The following ADGRB3 variants were observed in gnomAD, a reference collection of about 807,000 sequenced individuals.
The protein encoded by ADGRB3 is adhesion G protein-coupled receptor B3, also known as brain-specific angiogenesis inhibitor 3.
In ADGRB3, 37 loss-of-function variants were observed where a neutral mutation model predicts 193.4. The observed-to-expected ratio is 0.19, with a 90% CI of 0.15 to 0.25. ADGRB3 has a LOEUF of 0.25. Ranked by LOEUF, ADGRB3 falls within the 10% of genes least tolerant of loss-of-function variation. The pLI, the probability that ADGRB3 is intolerant of heterozygous loss-of-function variation, is 1.00. For synonymous variants in ADGRB3, 690 were observed against 644.2 expected, an observed-to-expected ratio of 1.07 and a Z score of -1.08; for missense variants, 1,637 against 1,852.9, an observed-to-expected ratio of 0.88 and a Z score of 2.14.
intron 3 of ADGRB3, among the ~76,000 whole-genome samples, chr6:68,868,002 C>T (rs1317236476): frequency 2.0e-5 from 3 of 152,018 alleles, no homozygotes; most frequent in East Asian, 1.9e-4. Flanking sequence ...TGGGTTAATG[C>T]TAGGATGAGT....
intron 20 of ADGRB3, among the ~76,000 whole-genome samples, chr6:69,274,221 G>A (rs994618462): frequency 2.0e-5 from 3 of 152,096 alleles, no homozygotes; most frequent in South Asian, 2.1e-4. Flanking sequence ...TTGCTATGCC[G>A]ATACACAAAC....
chr6:68,899,137 T>C (rs1424349978), intron 3 of ADGRB3, among the ~76,000 whole-genome samples: 1 of 152,136 alleles, frequency 6.6e-6, no homozygotes, highest in Non-Finnish European at 1.5e-5. Context: ...TGGGAACTTT[T>C]TGTACGATTT....
intron 29 of ADGRB3, among the ~76,000 whole-genome samples, chr6:69,364,042 A>T (rs1350801801): frequency 6.6e-6 from 1 of 152,050 alleles, no homozygotes; most frequent in Non-Finnish European, 1.5e-5. Context: ...GGACAATTTA[A>T]GTCTTTTCTC....
rs1772520074 is a variant in ADGRB3 at position 69,085,447 on chromosome 6, G to GTAA, written c.2480+9409_2480+9410insTAA. On this transcript the variant is annotated intron_variant, in intron 17 of 31. Coordinates refer to ENST00000370598, the MANE Select transcript of ADGRB3 (RefSeq NM_001704.3). ...GCTGGCTGGTAAGGATAGGCCCCTG[G>GTAA]GTAACCTCTCTTAATTTTCTAATGT... 2.0e-5 allele frequency among the ~76,000 whole-genome samples: 3 copies of GTAA among 151,748 alleles called. No individual in the cohort carries two copies. In the East Asian group the frequency reaches 5.8e-4, roughly 29 times the overall value.
chr6:68,800,855 G>A (rs1486447882), intron 3 of ADGRB3, among the ~76,000 whole-genome samples: 2 of 152,142 alleles, frequency 1.3e-5, no homozygotes, highest in Non-Finnish European at 2.9e-5. Context: ...TGCTGTGGGA[G>A]CACAGAGAAG....
chr6:69,243,016 G>A (rs1766416868), intron 20 of ADGRB3, among the ~76,000 whole-genome samples: 1 of 151,836 alleles, frequency 6.6e-6, no homozygotes. Flanking sequence ...AATGACAAAA[G>A]CATGTATTGC....
intron 26 of ADGRB3, among the ~76,000 whole-genome samples, chr6:69,347,980 T>G (rs754300152): frequency 1.3e-5 from 2 of 152,166 alleles, no homozygotes; most frequent in Non-Finnish European, 2.9e-5. Flanking sequence ...CAACCTCATT[T>G]GACCCAAAAG....
intron 5 of ADGRB3, among the ~76,000 whole-genome samples, chr6:68,937,193 C>T (rs924861311): frequency 1.3e-5 from 2 of 151,976 alleles, no homozygotes; most frequent in South Asian, 2.1e-4. Context: ...CAGAGGTATC[C>T]GCTGCTTTGT....
chr6:68,701,029 A>T (rs1395006758), intron 3 of ADGRB3, among the ~76,000 whole-genome samples: 1 of 152,170 alleles, frequency 6.6e-6, no homozygotes, highest in African/African-American at 2.4e-5. Flanking sequence ...TTAGTCAAGG[A>T]ATTTCATAGA....
At chr6:69,330,413 G>T in intron 22 of ADGRB3, 93 bp from the exon 23 acceptor site, 2 of 911,848 alleles carry the variant, frequency 2.2e-6, no homozygotes. Context: ...AAATTCCAAG[G>T]CAAAATGTAT....
chr6:69,233,373 G>T lies in ADGRB3; in HGVS notation c.2564G>T (p.Arg855Leu). 6.2e-7 allele frequency: 1 copy of T among 1,614,006 alleles called. No individual in the cohort carries two copies. Among genetic ancestry groups the T allele is most frequent in the Non-Finnish European group, 8.5e-7 (1 of 1,179,992 alleles). ...DASHTKCLCDRLSTFAILAQQ... is the reference protein window; with the variant it reads ...DASHTKCLCDLLSTFAILAQQ... ...TCCCATACGAAATGCTTATGTGATC[G>T]TCTCTCTACCTTCGCCATTTTGGCT... Residue 855 changes from arginine to leucine, a missense_variant, in exon 18 of 32, where the codon CGT (arginine) becomes CTT (leucine). Arg to Leu is a moderately radical substitution (Grantham distance 102). Around this residue, in one of 7 missense-constraint regions of ADGRB3, gnomAD observed 641 missense variants for 673.9 expected, o/e 0.95. Coordinates refer to ENST00000370598, the MANE Select transcript of ADGRB3 (RefSeq NM_001704.3).
At chr6:68,948,446 G>A (rs1439089413) in intron 6 of ADGRB3, among the ~76,000 whole-genome samples, 1 of 151,972 alleles carries the variant, frequency 6.6e-6, no homozygotes, top group African/African-American at 2.4e-5. Flanking sequence ...ATAATGGAAA[G>A]TTGCATTTTC....
intron 3 of ADGRB3, among the ~76,000 whole-genome samples, chr6:68,675,614 A>G (rs1170992119): frequency 1.3e-5 from 2 of 152,194 alleles, no homozygotes; most frequent in East Asian, 3.9e-4. Context: ...CAAGATTTTG[A>G]CTGGAAAGAA....
At chr6:69,299,476 C>A (rs1454522553) in intron 20 of ADGRB3, among the ~76,000 whole-genome samples, 1 of 151,776 alleles carries the variant, frequency 6.6e-6, no homozygotes, top group African/African-American at 2.4e-5. Context: ...GTCAAGAAAT[C>A]TTTACCCAGA....
intron 15 of ADGRB3, among the ~76,000 whole-genome samples, chr6:69,052,274 AT>A (rs1562138639): frequency 6.6e-6 from 1 of 152,232 alleles, no homozygotes; most frequent in African/African-American, 2.4e-5. Flanking sequence ...CTATGAAAAT[AT>A]TTTAGGACCA....
At chr6:68,864,703 A>G (rs1218353916) in intron 3 of ADGRB3, among the ~76,000 whole-genome samples, 2 of 152,166 alleles carry the variant, frequency 1.3e-5, no homozygotes, top group Non-Finnish European at 2.9e-5. Context: ...TGAAAACAGC[A>G]TCTCCTTTGC....
intron 13 of ADGRB3, among the ~76,000 whole-genome samples, chr6:69,043,646 C>T (rs72910620): frequency 0.038 from 5,797 of 152,196 alleles, 147 homozygotes; most frequent in Non-Finnish European, 0.055. Context: ...CATTCAAGCA[C>T]CAAACACTGT....
chr6:69,087,111 C>T (rs1264200476), intron 17 of ADGRB3, among the ~76,000 whole-genome samples: 1 of 152,124 alleles, frequency 6.6e-6, no homozygotes, highest in East Asian at 1.9e-4. Context: ...TGAGCCTACA[C>T]TAAAATTGGA....
intron 3 of ADGRB3, among the ~76,000 whole-genome samples, chr6:68,721,627 A>AATATATATATATATAT (rs71852236): frequency 5.5e-4 from 77 of 140,226 alleles, no homozygotes; most frequent in African/African-American, 1.9e-3. Flanking sequence ...AAGTATAATA[A>AATATATATATATATAT]ATATATATAT....
Sources: allele counts gnomAD v4.1 joint callset (sites outside exome capture counted in the v4.1 genomes callset), GRCh38; gene constraint gnomAD v4.1.1; regional missense constraint gnomAD v4.1.1; transcripts MANE v1.5; gene names NCBI Gene and HGNC (gene_info 2026-07-23, HGNC 2026-07-21).